Variants in SLC24A2 observed in about 807,000 individuals in gnomAD.
The protein encoded by SLC24A2 is sodium/potassium/calcium exchanger 2.
In SLC24A2, 36 loss-of-function variants were observed where a neutral mutation model predicts 62.0. That is an observed-to-expected ratio of 0.58 (90% CI 0.44 to 0.77). The LOEUF (loss-of-function observed/expected upper bound fraction) is 0.77. Ranked by LOEUF, SLC24A2 falls within the 30% of genes least tolerant of loss-of-function variation. The probability of loss-of-function intolerance (pLI) is 0.00; values close to 1 mark genes in which losing one functional copy is unlikely to be tolerated. For missense variants in SLC24A2, 846 were observed against 817.9 expected, an observed-to-expected ratio of 1.03 and a Z score of -0.42; for synonymous variants, 358 against 294.0, an observed-to-expected ratio of 1.22 and a Z score of -2.23.
chr9:20,108,834 A>C, the SLC24A2 span, among the ~76,000 whole-genome samples: 10 of 152,328 alleles, frequency 6.6e-5, no homozygotes. Flanking sequence ...TGTTCCCTAA[A>C]GCTTAAAGTA....
At chr9:20,298,657 T>C in the SLC24A2 span, among the ~76,000 whole-genome samples, 2 of 152,280 alleles carry the variant, frequency 1.3e-5, no homozygotes, top group Admixed American at 6.5e-5. Context: ...GCAGCCATAA[T>C]AGTAATAGCA....
At chr9:20,232,702 AT>A in the SLC24A2 span, among the ~76,000 whole-genome samples, 2 of 152,010 alleles carry the variant, frequency 1.3e-5, no homozygotes, top group African/African-American at 2.4e-5. Context: ...GGATTCGTTA[AT>A]TTTTTGAAGG....
chr9:19,777,569 A>G (rs1822881140), intron 2 of SLC24A2, among the ~76,000 whole-genome samples: 1 of 152,178 alleles, frequency 6.6e-6, no homozygotes, highest in East Asian at 1.9e-4. Context: ...TTAGAAAAAC[A>G]TTTAATGATG....
chr9:20,242,499 A>T, the SLC24A2 span, among the ~76,000 whole-genome samples: 1 of 152,194 alleles, frequency 6.6e-6, no homozygotes, highest in East Asian at 1.9e-4. Flanking sequence ...AACTGACTGT[A>T]GTGGTCCAAT....
the SLC24A2 span, among the ~76,000 whole-genome samples, chr9:20,047,669 A>AT: frequency 6.8e-6 from 1 of 146,256 alleles, no homozygotes; most frequent in Non-Finnish European, 1.5e-5. Context: ...CTCATTGTAA[A>AT]TGTACATAGA....
chr9:19,751,650 C>T (rs1178521169), intron 2 of SLC24A2, among the ~76,000 whole-genome samples: 1 of 152,128 alleles, frequency 6.6e-6, no homozygotes, highest in African/African-American at 2.4e-5. Flanking sequence ...TAGAGAGTTC[C>T]ATAGCTCTGC....
chr9:19,820,449 T>A, the SLC24A2 span, among the ~76,000 whole-genome samples: 2 of 149,932 alleles, frequency 1.3e-5, no homozygotes, highest in Admixed American at 6.7e-5. Flanking sequence ...AAATAATAAA[T>A]TTAAAAAAAA....
At chr9:20,215,242 T>C in the SLC24A2 span, among the ~76,000 whole-genome samples, 1 of 152,218 alleles carries the variant, frequency 6.6e-6, no homozygotes, top group Non-Finnish European at 1.5e-5. Flanking sequence ...TCATGAAAGC[T>C]CTGTCTGCCT....
chr9:20,233,129 G>A, the SLC24A2 span, among the ~76,000 whole-genome samples: 3 of 152,154 alleles, frequency 2.0e-5, no homozygotes, highest in African/African-American at 4.8e-5. Flanking sequence ...ATTTGCTGAG[G>A]AGTGCTTTAC....
the SLC24A2 span, among the ~76,000 whole-genome samples, chr9:20,033,066 C>T: frequency 5.5e-4 from 83 of 152,236 alleles, no homozygotes; most frequent in East Asian, 0.012. Flanking sequence ...AGTTCATTCA[C>T]GAACTCACAG....
chr9:20,143,705 T>C, the SLC24A2 span, among the ~76,000 whole-genome samples: 1 of 152,272 alleles, frequency 6.6e-6, no homozygotes, highest in Non-Finnish European at 1.5e-5. Flanking sequence ...AATTAGTTAC[T>C]GCAGCCACAA....
intron 2 of SLC24A2, among the ~76,000 whole-genome samples, chr9:19,689,468 A>C (rs1384979614): frequency 6.6e-6 from 1 of 152,166 alleles, no homozygotes; most frequent in Non-Finnish European, 1.5e-5. Flanking sequence ...ACTTCTTTCA[A>C]CATGTCTGAC....
the SLC24A2 span, among the ~76,000 whole-genome samples, chr9:19,955,368 A>T: frequency 6.8e-6 from 1 of 146,454 alleles, no homozygotes; most frequent in Non-Finnish European, 1.5e-5. Flanking sequence ...TATGAGTAGA[A>T]ATTCTCAGGT....
At chr9:19,873,517 C>T in the SLC24A2 span, among the ~76,000 whole-genome samples, 1 of 114,722 alleles carries the variant, frequency 8.7e-6, no homozygotes, top group East Asian at 3.2e-4. Context: ...TTTTCTTTCT[C>T]TCTCTCCTTC....
the SLC24A2 span, among the ~76,000 whole-genome samples, chr9:20,305,451 CCTAT>C: frequency 6.6e-6 from 1 of 151,804 alleles, no homozygotes; most frequent in Non-Finnish European, 1.5e-5. Context: ...TAGATGACTA[CCTAT>C]CTGTTAAAGG....
chr9:19,883,086 A>T, the SLC24A2 span, among the ~76,000 whole-genome samples: 1 of 152,206 alleles, frequency 6.6e-6, no homozygotes, highest in African/African-American at 2.4e-5. Context: ...GTGACTTAGA[A>T]TATCAAATGA....
chr9:19,832,469 G>A, the SLC24A2 span, among the ~76,000 whole-genome samples: 2 of 152,000 alleles, frequency 1.3e-5, no homozygotes, highest in Admixed American at 1.3e-4. Context: ...GTAAGGTCAG[G>A]GACGAAAACA....
chr9:19,547,439 C>T lies in SLC24A2; in HGVS notation c.1479+2698G>A, dbSNP rs7863499. The stretch of plus-strand genomic sequence containing the variant: ...CAGCCAGAGCAGTTGTCATGACCCA[C>T]GTAACGACTGCCTTGATTGATTTTT... On this transcript the variant is annotated intron_variant, in intron 8 of 10. Transcript: ENST00000341998. Among the ~76,000 whole-genome samples the T allele has an allele frequency of 3.9e-5, 6 of 152,230 alleles. No individual in the cohort carries two copies. In the East Asian group the frequency reaches 5.8e-4, roughly 15 times the overall value.
In SLC24A2 at chr9:19,786,184, C is replaced by T; in HGVS notation, c.683G>A (p.Arg228Lys). The change falls in exon 2 of 11, where the codon AGA becomes AAA. Residue 228 changes from arginine (R) to lysine (K), a missense_variant. Coordinates refer to ENST00000341998, the MANE Select transcript of SLC24A2 (RefSeq NM_020344.4). This position sits in a 1 kb window ranked among gnomAD's most constrained non-coding sequence, Gnocchi z 5.0. Reference sequence around the variant, plus strand: ...CCACCATGTCAGGTTTAAGATTTCTCTAGAAAACAGAGCACACATGCCAAT... The same window carrying T: ...CCACCATGTCAGGTTTAAGATTTCTTTAGAAAACAGAGCACACATGCCAAT... ...FVIGMCALFSREILNLTWWPL... is the reference protein window; with the variant it reads ...FVIGMCALFSKEILNLTWWPL... The T allele has an allele frequency of 6.2e-7, 1 of 1,614,132 alleles. No individual in the cohort carries two copies. Among genetic ancestry groups the T allele is most frequent in the Non-Finnish European group, 8.5e-7 (1 of 1,180,042 alleles).
Sources: gnomAD v4.1 joint callset for allele counts (sites outside exome capture counted in the v4.1 genomes callset) on GRCh38, gnomAD v4.1.1 for gene constraint, Gnocchi (gnomAD v3.1) non-coding constraint, MANE v1.5 for transcripts, NCBI Gene and HGNC (gene_info 2026-07-23, HGNC 2026-07-21) for gene names.